Variants in TSPAN18 observed in about 807,000 individuals in gnomAD.
The protein encoded by TSPAN18 is tetraspanin-18.
TSPAN18 carries 14 observed loss-of-function variants against 27.3 expected under a neutral mutation model. The observed-to-expected ratio is 0.51, with a 90% CI of 0.34 to 0.80. TSPAN18 has a LOEUF of 0.80. TSPAN18 is among the 30% of genes least tolerant of loss of function. TSPAN18 has a pLI of 0.01. For missense variants in TSPAN18, 268 were observed against 323.9 expected (o/e 0.83, Z 1.32); for synonymous variants, 143 against 136.5 (o/e 1.05, Z -0.33).
chr11:44,791,632 C>A (rs548335202), intron 2 of TSPAN18, among the ~76,000 whole-genome samples: 2 of 152,242 alleles, frequency 1.3e-5, no homozygotes, highest in Admixed American at 6.5e-5. Flanking sequence ...CCTGGTCCCC[C>A]CTGTGTCCCC....
At chr11:44,904,765 G>A (rs1397135552) in intron 3 of TSPAN18, among the ~76,000 whole-genome samples, 1 of 152,208 alleles carries the variant, frequency 6.6e-6, no homozygotes, top group Non-Finnish European at 1.5e-5. Context: ...TATGATACGA[G>A]GGTGCTGGTC....
intron 1 of TSPAN18, among the ~76,000 whole-genome samples, chr11:44,762,691 C>T (rs990061017): frequency 6.6e-6 from 1 of 151,922 alleles, no homozygotes; most frequent in Non-Finnish European, 1.5e-5. Context: ...TGATTGTAGC[C>T]TTAGTCTGGT....
chr11:44,745,323 G>T (rs534529041), intron 1 of TSPAN18, among the ~76,000 whole-genome samples: 14 of 152,144 alleles, frequency 9.2e-5, no homozygotes, highest in Admixed American at 9.2e-4. Context: ...ACCTATTCAG[G>T]CTCCAATTCA....
chr11:44,765,937 A>C (rs1855558614), intron 2 of TSPAN18, among the ~76,000 whole-genome samples: 1 of 152,090 alleles, frequency 6.6e-6, no homozygotes, highest in Non-Finnish European at 1.5e-5. Flanking sequence ...TGCTTTGGGG[A>C]AGACGAGGAA....
At chr11:44,898,624 C>T (rs188924848) in intron 3 of TSPAN18, among the ~76,000 whole-genome samples, 13 of 152,352 alleles carry the variant, frequency 8.5e-5, no homozygotes, top group Middle Eastern at 6.8e-3. Context: ...CATCTTGCTG[C>T]CGGGGGACTC....
At chr11:44,838,002 G>A (rs1350785633) in intron 2 of TSPAN18, among the ~76,000 whole-genome samples, 1 of 152,146 alleles carries the variant, frequency 6.6e-6, no homozygotes, top group Non-Finnish European at 1.5e-5. Flanking sequence ...AGATATGCTT[G>A]TATCCACCCA....
chr11:44,926,774 A>G lies in TSPAN18; in HGVS notation c.699+17A>G, dbSNP rs942632450. On this transcript the variant is annotated intron_variant, in intron 9 of 9. Transcript: ENST00000520358. Reference sequence around the variant, plus strand: ...GCCATCGAGGTAAGTAAAGGCCCCCACTTCTGCCGCTCCCCAGGATGAAGC... The same window carrying G: ...GCCATCGAGGTAAGTAAAGGCCCCCGCTTCTGCCGCTCCCCAGGATGAAGC... 1 of 1,613,170 alleles carries G rather than the reference A, an allele frequency of 6.2e-7. No individual in the cohort carries two copies. Among genetic ancestry groups the G allele is most frequent in the South Asian group, 1.1e-5 (1 of 91,068 alleles).
chr11:44,803,257 C>T (rs1465327693), intron 2 of TSPAN18, among the ~76,000 whole-genome samples: 1 of 151,958 alleles, frequency 6.6e-6, no homozygotes, highest in Admixed American at 6.6e-5. Flanking sequence ...CTGAGGTGGC[C>T]TTGAAGGACT....
rs186623338 is a variant in TSPAN18 at position 44,843,121 on chromosome 11, T to C, written c.-152-17207T>C. Among the ~76,000 whole-genome samples, 491 of 152,382 alleles carry C rather than the reference T, an allele frequency of 3.2e-3. 9 individuals carry two copies. Among genetic ancestry groups the C allele is most frequent in the Non-Finnish European group, 3.3e-3 (223 of 68,044 alleles). Reference sequence around the variant, plus strand: ...AGCATATAGCAGTAGTTTGTTCTTCTGTATTTCTATGTAATATTCCATTGT... The same window carrying C: ...AGCATATAGCAGTAGTTTGTTCTTCCGTATTTCTATGTAATATTCCATTGT... On this transcript the variant is annotated intron_variant, in intron 2 of 9. Transcript: ENST00000520358.
At chr11:44,842,876 A>G (rs1463788886) in intron 2 of TSPAN18, among the ~76,000 whole-genome samples, 2 of 152,144 alleles carry the variant, frequency 1.3e-5, no homozygotes, top group African/African-American at 2.4e-5. Context: ...CCAGCCCAGA[A>G]GGCTCTCCTA....
At chr11:44,785,530 G>A (rs1208475770) in intron 2 of TSPAN18, among the ~76,000 whole-genome samples, 2 of 53,918 alleles carry the variant, frequency 3.7e-5, no homozygotes, top group East Asian at 4.5e-4. Flanking sequence ...GCCCCCCACC[G>A]CCCCCTGAAG....
intron 3 of TSPAN18, among the ~76,000 whole-genome samples, chr11:44,879,933 C>T (rs1406807114): frequency 6.6e-6 from 1 of 152,226 alleles, no homozygotes; most frequent in African/African-American, 2.4e-5. Context: ...CCACTGTAGG[C>T]AAGAGATGGC....
chr11:44,738,633 C>G (rs1048616439), intron 1 of TSPAN18, among the ~76,000 whole-genome samples: 1 of 152,150 alleles, frequency 6.6e-6, no homozygotes, highest in African/African-American at 2.4e-5. Flanking sequence ...CTCACCGTGT[C>G]CTCGCACAGC....
chr11:44,748,226 G>A (rs915048712), intron 1 of TSPAN18, among the ~76,000 whole-genome samples: 1 of 152,158 alleles, frequency 6.6e-6, no homozygotes, highest in Admixed American at 6.6e-5. Context: ...TGGCCAACAT[G>A]GTGAAACACC....
At chr11:44,867,043 G>A (rs1038729580) in intron 3 of TSPAN18, among the ~76,000 whole-genome samples, 5 of 152,122 alleles carry the variant, frequency 3.3e-5, no homozygotes, top group Non-Finnish European at 7.3e-5. Flanking sequence ...AGAGACTGGA[G>A]GTAAAAAAAT....
At chr11:44,735,621 C>CTTTT (rs797010014) in intron 1 of TSPAN18, among the ~76,000 whole-genome samples, 2 of 140,578 alleles carry the variant, frequency 1.4e-5, no homozygotes, top group Admixed American at 1.4e-4. Flanking sequence ...ATGACCTCCT[C>CTTTT]TTTTTTTTTT....
At chr11:44,756,587 C>A (rs1208662187) in intron 1 of TSPAN18, among the ~76,000 whole-genome samples, 3 of 152,162 alleles carry the variant, frequency 2.0e-5, no homozygotes, top group African/African-American at 4.8e-5. Context: ...CTCCTCCCAG[C>A]CCCTGGTAAC....
At chr11:44,785,218 C>A (rs1449628448) in intron 2 of TSPAN18, among the ~76,000 whole-genome samples, 1 of 152,150 alleles carries the variant, frequency 6.6e-6, no homozygotes, top group African/African-American at 2.4e-5. Context: ...GAGTACCCAC[C>A]AACCAGATCC....
At chr11:44,735,819 G>C (rs12361889) in intron 1 of TSPAN18, among the ~76,000 whole-genome samples, 97,530 of 151,844 alleles carry the variant, frequency 0.64, 35,566 homozygotes, top group Non-Finnish European at 0.84. Flanking sequence ...GGGTTTCACT[G>C]TGTTAGCCAG....
Sources: allele counts gnomAD v4.1 joint callset (sites outside exome capture counted in the v4.1 genomes callset), GRCh38; gene constraint gnomAD v4.1.1; transcripts MANE v1.5; gene names NCBI Gene and HGNC (gene_info 2026-07-23, HGNC 2026-07-21).